TMEM63C: variants seen among roughly 807,000 people sequenced by gnomAD.
TMEM63C encodes osmosensitive cation channel TMEM63C.
In TMEM63C, 32 loss-of-function variants were observed where a neutral mutation model predicts 99.2. The ratio of observed to expected loss-of-function variants is 0.32; its 90% confidence interval spans 0.24 to 0.43. TMEM63C has a LOEUF of 0.43. Among genes scored for constraint, TMEM63C ranks in the 20% least tolerant of loss-of-function variants. TMEM63C has a pLI of 1.00. For synonymous variants in TMEM63C, 376 were observed against 397.9 expected (o/e 0.94, Z 0.66); for missense variants, 826 against 1,053.0 (o/e 0.78, Z 2.98).
At chr14:77,245,228 T>C (rs988680270) in intron 16 of TMEM63C, among the ~76,000 whole-genome samples, 1 of 152,218 alleles carries the variant, frequency 6.6e-6, no homozygotes, top group African/African-American at 2.4e-5. Flanking sequence ...ATCAACTATA[T>C]GGCACATCTG....
rs1341241445 is a variant in TMEM63C, at chr14:77,256,558, G to A, written c.2253G>A (p.Glu751=). The A allele has an allele frequency of 1.2e-6, 2 of 1,613,906 alleles. No individual in the cohort carries two copies. The highest frequency in any genetic ancestry group is 1.7e-5 in the Admixed American group (1 of 60,010). The change falls in exon 24 of 24, where the codon GAG becomes GAA. Residue 751 remains glutamate (E), a synonymous_variant. Transcript: ENST00000298351. ...LYVATVLQEP[E]LNLTPASSPA... is the part of the protein sequence containing the mutation. Reference sequence around the variant, plus strand: ...TGGCCACCGTGCTGCAAGAACCGGAGTTGAATCTGACCCCCGCCTCCTCCC... The same window carrying A: ...TGGCCACCGTGCTGCAAGAACCGGAATTGAATCTGACCCCCGCCTCCTCCC...
intron 12 of TMEM63C, among the ~76,000 whole-genome samples, 186 bp downstream of exon 12, chr14:77,239,912 A>G (rs531404391): frequency 1.3e-5 from 2 of 152,274 alleles, no homozygotes; most frequent in African/African-American, 4.8e-5. Flanking sequence ...GCCTTTCTGG[A>G]GGCCACCTTC....
intron 21 of TMEM63C, 53 bp from the exon 22 acceptor site, chr14:77,251,736 G>T: frequency 2.1e-6 from 3 of 1,451,126 alleles, no homozygotes; most frequent in Non-Finnish European, 2.9e-6. Context: ...GCCAGTTGGG[G>T]TGGCATCTCG....
chr14:77,242,230 G>T, intron 13 of TMEM63C, 117 bp from the exon 14 acceptor site: 1 of 1,160,674 alleles, frequency 8.6e-7, no homozygotes, highest in Non-Finnish European at 1.2e-6. Flanking sequence ...CCAGGAAGGG[G>T]ATGAGCCCCC....
chr14:77,197,323 G>A (rs1334371035), intron 1 of TMEM63C, among the ~76,000 whole-genome samples: 1 of 152,190 alleles, frequency 6.6e-6, no homozygotes. Flanking sequence ...GCCCTCCAGG[G>A]CAGGGAGCCT....
intron 1 of TMEM63C, among the ~76,000 whole-genome samples, chr14:77,199,975 T>C (rs2140096358): frequency 6.6e-6 from 1 of 152,278 alleles, no homozygotes; most frequent in South Asian, 2.1e-4. Flanking sequence ...CCATCCTTTT[T>C]CCAGAGAAGC....
intron 1 of TMEM63C, among the ~76,000 whole-genome samples, chr14:77,194,553 C>CTTTTTTTT (rs56115104): frequency 8.0e-6 from 1 of 125,048 alleles, no homozygotes; most frequent in African/African-American, 3.2e-5. Flanking sequence ...TTCTTTCTTT[C>CTTTTTTTT]TCTTTCTTTC....
chr14:77,235,955 C>T (rs1192550061), intron 8 of TMEM63C, among the ~76,000 whole-genome samples: 17 of 3,334 alleles, frequency 5.1e-3, no homozygotes, highest in Non-Finnish European at 6.8e-3. Flanking sequence ...AGGGGGACTG[C>T]GGTGGGTGGT....
chr14:77,191,191 A>C (rs1282335014), intron 1 of TMEM63C, among the ~76,000 whole-genome samples: 1 of 152,226 alleles, frequency 6.6e-6, no homozygotes, highest in Non-Finnish European at 1.5e-5. Context: ...AGACTACTTC[A>C]TTCTTGATTC....
chr14:77,248,638 C>A lies in TMEM63C; in HGVS notation c.1764+129C>A, dbSNP rs1251044258. 50 of 1,493,846 alleles carry A rather than the reference C, an allele frequency of 3.3e-5. No individual in the cohort carries two copies. The Admixed American group carries it at 8.8e-4, about 26-fold the overall frequency. The allele number at this position is 1,493,846 out of a possible 1,614,324, so 92.5% of individuals were successfully genotyped here. A position where few individuals can be genotyped will look rare whatever the true frequency, so the allele number is the denominator to read the frequency against. ...GTGTGGATGGGTGTTGGTGGGGCAC[C>A]TTGGTCTACAGGGTTGGAAAGGAGG... On this transcript the variant is annotated intron_variant, in intron 19 of 23. Transcript: ENST00000298351.
chr14:77,227,809 G>A (rs747527520), intron 6 of TMEM63C, among the ~76,000 whole-genome samples: 3 of 152,164 alleles, frequency 2.0e-5, no homozygotes, highest in Non-Finnish European at 2.9e-5. Context: ...GGGAGGGCAG[G>A]CCGAGGATAG....
intron 21 of TMEM63C, among the ~76,000 whole-genome samples, chr14:77,250,121 C>T (rs1333669362): frequency 6.6e-6 from 1 of 152,188 alleles, no homozygotes; most frequent in East Asian, 1.9e-4. Flanking sequence ...AAGCGTAAGC[C>T]GCCGGTGCCT....
At chr14:77,208,958 G>A (rs1026125029) in intron 1 of TMEM63C, among the ~76,000 whole-genome samples, 3 of 151,916 alleles carry the variant, frequency 2.0e-5, no homozygotes, top group Admixed American at 6.5e-5. Flanking sequence ...TGGGCCCAAT[G>A]GAAGGTGGAA....
intron 1 of TMEM63C, among the ~76,000 whole-genome samples, chr14:77,192,515 T>G (rs1271802903): frequency 1.3e-5 from 2 of 152,164 alleles, no homozygotes; most frequent in Admixed American, 6.6e-5. Flanking sequence ...AGGACAACTG[T>G]GTAGCCCTTT....
chr14:77,240,931 C>CTTTTTTTTT, intron 13 of TMEM63C, among the ~76,000 whole-genome samples: 1 of 128,480 alleles, frequency 7.8e-6, no homozygotes, highest in Non-Finnish European at 1.6e-5. Context: ...TTCCCTTTTT[C>CTTTTTTTTT]TTTTTTTTTT....
In TMEM63C at chr14:77,248,779, G is replaced by A. The variant is rs1159058237; in HGVS notation, c.1777G>A (p.Asp593Asn). The A allele has an allele frequency of 6.2e-7, 1 of 1,614,086 alleles. No homozygotes were observed. The highest frequency in any genetic ancestry group is 2.2e-5 in the East Asian group (1 of 44,884). ...CCTTCTGCCCCAGAACCAGGCCATA[G>A]ACTTCCAGTTTGGGCGTGAGTATGC... ...RVNIRKNQAI[D>N]FQFGREYAWM... Residue 593 changes from aspartate to asparagine, a missense_variant, in exon 20 of 24, where the codon GAC becomes AAC. Asp to Asn is a conservative substitution (Grantham distance 23, BLOSUM62 1). Transcript: ENST00000298351.
chr14:77,194,014 A>C (rs1888157218), intron 1 of TMEM63C, among the ~76,000 whole-genome samples: 1 of 152,202 alleles, frequency 6.6e-6, no homozygotes, highest in African/African-American at 2.4e-5. Context: ...CAAATAAACA[A>C]GAAAAAACAA....
intron 2 of TMEM63C, among the ~76,000 whole-genome samples, chr14:77,216,027 G>T (rs1342284826): frequency 1.3e-5 from 2 of 152,042 alleles, no homozygotes; most frequent in African/African-American, 4.8e-5. Flanking sequence ...TTGGCTGGGC[G>T]CAGTGGCTCG....
intron 9 of TMEM63C, among the ~76,000 whole-genome samples, chr14:77,238,065 C>A (rs145003282): frequency 6.6e-6 from 1 of 152,338 alleles, no homozygotes; most frequent in African/African-American, 2.4e-5. Context: ...TCACCAGAAG[C>A]CTCTTTCAAG....
Sources: gnomAD v4.1 joint callset for allele counts (sites outside exome capture counted in the v4.1 genomes callset) on GRCh38, gnomAD v4.1.1 for gene constraint, MANE v1.5 for transcripts, NCBI Gene and HGNC (gene_info 2026-07-23, HGNC 2026-07-21) for gene names.